Variants in LRMDA observed in about 807,000 individuals in gnomAD.
LRMDA encodes the protein leucine-rich melanocyte differentiation-associated protein.
Under a neutral mutation model 29.8 loss-of-function variants are expected in LRMDA, and 18 were observed. The observed-to-expected ratio is 0.60, with a 90% confidence interval of 0.42 to 0.90. The LOEUF (loss-of-function observed/expected upper bound fraction) is 0.90, where lower values mean the gene tolerates loss of function less well. Ranked by LOEUF, LRMDA falls within the 40% of genes least tolerant of loss-of-function variation. The probability of loss-of-function intolerance (pLI) is 0.00; values close to 1 mark genes in which losing one functional copy is unlikely to be tolerated. For missense variants in LRMDA, 273 were observed against 273.9 expected (o/e 1.00, Z 0.02); for synonymous variants, 125 against 109.4 (o/e 1.14, Z -0.89).
intron 2 of LRMDA, among the ~76,000 whole-genome samples, chr10:75,552,078 A>G (rs1285187656): frequency 6.6e-6 from 1 of 152,180 alleles, no homozygotes; most frequent in Admixed American, 6.6e-5. Flanking sequence ...AAAAAATAAA[A>G]GAAATAAAAA....
intron 6 of LRMDA, among the ~76,000 whole-genome samples, chr10:76,421,120 G>C (rs927521996): frequency 1.3e-5 from 2 of 152,054 alleles, no homozygotes; most frequent in Non-Finnish European, 2.9e-5. Flanking sequence ...ACTGAGAGAA[G>C]TATGCTAAAA....
chr10:76,114,778 C>T (rs1458227672), intron 5 of LRMDA, among the ~76,000 whole-genome samples: 3 of 152,102 alleles, frequency 2.0e-5, no homozygotes, highest in Non-Finnish European at 4.4e-5. Context: ...CTTTGTTTCC[C>T]ATAATCGTAA....
rs11001659 is a variant in LRMDA at position 76,169,422 on chromosome 10, G to A, written c.516+110639G>A. ...GCAGTGCCTTTTCCTGCTGCCTCTC[G>A]TGTTGGATCTTCTCTATCCCACAGG... On this transcript the variant is annotated intron_variant, in intron 5 of 6. Coordinates refer to ENST00000611255, the MANE Select transcript of LRMDA (RefSeq NM_001305581.2). Among the ~76,000 whole-genome samples the A allele has an allele frequency of 7.1e-3, 1,088 of 152,254 alleles. 13 individuals are homozygous for A. The highest frequency in any genetic ancestry group is 0.024 in the African/African-American group (1,010 of 41,550).
At chr10:75,710,456 G>T (rs1332428684) in intron 2 of LRMDA, among the ~76,000 whole-genome samples, 4 of 152,194 alleles carry the variant, frequency 2.6e-5, no homozygotes, top group South Asian at 2.1e-4. Flanking sequence ...ATACTCATTT[G>T]GTAGCTGAAT....
At chr10:76,400,642 C>T (rs1841838123) in intron 6 of LRMDA, among the ~76,000 whole-genome samples, 1 of 152,140 alleles carries the variant, frequency 6.6e-6, no homozygotes, top group Non-Finnish European at 1.5e-5. Context: ...TGCCTTTTAC[C>T]TTTTGCTGAC....
At chr10:75,671,635 G>A (rs537325102) in intron 2 of LRMDA, among the ~76,000 whole-genome samples, 8 of 152,246 alleles carry the variant, frequency 5.3e-5, no homozygotes, top group South Asian at 4.1e-4. Context: ...AGGGCCTGTC[G>A]TGGGGTGGGG....
intron 2 of LRMDA, among the ~76,000 whole-genome samples, chr10:75,763,710 T>A (rs1843125785): frequency 6.6e-6 from 1 of 152,042 alleles, no homozygotes; most frequent in African/African-American, 2.4e-5. Context: ...TTTTTTTTTT[T>A]TTTTGGCAGG....
At chr10:75,974,347 A>G (rs1847033644) in intron 2 of LRMDA, among the ~76,000 whole-genome samples, 1 of 152,104 alleles carries the variant, frequency 6.6e-6, no homozygotes, top group Admixed American at 6.5e-5. Flanking sequence ...TACCTCCAAA[A>G]TATCATTGTT....
At chr10:75,962,350 G>C (rs1846783240) in intron 2 of LRMDA, among the ~76,000 whole-genome samples, 1 of 152,172 alleles carries the variant, frequency 6.6e-6, no homozygotes, top group Non-Finnish European at 1.5e-5. Flanking sequence ...AGCAGCATCA[G>C]CATCACCTGG....
chr10:75,791,884 GA>G (rs1265228511), intron 2 of LRMDA, among the ~76,000 whole-genome samples: 20 of 139,622 alleles, frequency 1.4e-4, no homozygotes, highest in African/African-American at 4.9e-4. Flanking sequence ...TTTTGAGATG[GA>G]GTCTCACTCT....
chr10:76,537,444 C>T (rs1843303161), intron 6 of LRMDA, among the ~76,000 whole-genome samples: 3 of 152,156 alleles, frequency 2.0e-5, no homozygotes, highest in South Asian at 4.1e-4. Context: ...GAAGTCTGAC[C>T]TTGGTCTTCA....
intron 6 of LRMDA, among the ~76,000 whole-genome samples, chr10:76,345,089 C>G (rs1321654621): frequency 4.8e-5 from 4 of 82,920 alleles, no homozygotes; most frequent in Non-Finnish European, 8.6e-5. Flanking sequence ...TTTTTTGAGA[C>G]GGAGTCTCGC....
At chr10:76,270,003 C>T (rs75477273) in intron 5 of LRMDA, among the ~76,000 whole-genome samples, 1 of 152,276 alleles carries the variant, frequency 6.6e-6, no homozygotes, top group African/African-American at 2.4e-5. Flanking sequence ...CTCACCTTTT[C>T]TCATTCACTC....
At chr10:75,929,477 G>A (rs1846175033) in intron 2 of LRMDA, among the ~76,000 whole-genome samples, 1 of 152,180 alleles carries the variant, frequency 6.6e-6, no homozygotes, top group South Asian at 2.1e-4. Flanking sequence ...TTTCGTGGTT[G>A]AAGTGAGGAA....
intron 2 of LRMDA, among the ~76,000 whole-genome samples, chr10:75,565,138 A>G (rs1302356887): frequency 6.6e-6 from 1 of 152,240 alleles, no homozygotes; most frequent in Non-Finnish European, 1.5e-5. Flanking sequence ...GGTACCACCC[A>G]GATGGGGAGA....
intron 6 of LRMDA, among the ~76,000 whole-genome samples, chr10:76,421,354 T>C (rs1842069911): frequency 6.6e-6 from 1 of 152,072 alleles, no homozygotes; most frequent in Admixed American, 6.5e-5. Context: ...ATGGCTAGTA[T>C]TTGCTTTGTG....
At chr10:76,250,813 T>C (rs1182216294) in intron 5 of LRMDA, among the ~76,000 whole-genome samples, 1 of 152,200 alleles carries the variant, frequency 6.6e-6, no homozygotes, top group East Asian at 1.9e-4. Flanking sequence ...GCAACAACTT[T>C]GTGGGATTTA....
At chr10:75,773,144 G>GTA (rs1843266963) in intron 2 of LRMDA, among the ~76,000 whole-genome samples, 1 of 152,152 alleles carries the variant, frequency 6.6e-6, no homozygotes, top group South Asian at 2.1e-4. Context: ...GTTGAAGGAT[G>GTA]TATCACAGCA....
intron 6 of LRMDA, among the ~76,000 whole-genome samples, chr10:76,436,196 T>A (rs1842242830): frequency 6.6e-6 from 1 of 152,140 alleles, no homozygotes; most frequent in South Asian, 2.1e-4. Flanking sequence ...GTGGCAGAGT[T>A]AGTGAAATAG....
Sources: gnomAD v4.1 joint callset for allele counts (sites outside exome capture counted in the v4.1 genomes callset) on GRCh38, gnomAD v4.1.1 for gene constraint, MANE v1.5 for transcripts, NCBI Gene and HGNC (gene_info 2026-07-23, HGNC 2026-07-21) for gene names.